FAM169A: variants seen among roughly 807,000 people sequenced by gnomAD.
FAM169A encodes family with sequence similarity 169 member A, also known as soluble lamin-associated protein of 75 kDa.
FAM169A carries 24 observed loss-of-function variants against 75.7 expected under a neutral mutation model. The ratio of observed to expected loss-of-function variants is 0.32; its 90% confidence interval spans 0.23 to 0.45. The LOEUF (loss-of-function observed/expected upper bound fraction) is 0.45, where lower values mean the gene tolerates loss of function less well. FAM169A is among the 20% of genes least tolerant of loss of function. FAM169A has a pLI of 1.00. For synonymous variants in FAM169A, 271 were observed against 271.0 expected (o/e 1.00, Z 0.00); for missense variants, 673 against 784.0 (o/e 0.86, Z 1.69).
intron 6 of FAM169A, among the ~76,000 whole-genome samples, chr5:74,810,023 G>A (rs1338821809): frequency 1.3e-5 from 2 of 152,066 alleles, no homozygotes; most frequent in Non-Finnish European, 2.9e-5. Context: ...ATCATACAAA[G>A]ACATTTTCAT....
At chr5:74,835,767 T>C (rs1020688385) in intron 4 of FAM169A, among the ~76,000 whole-genome samples, 2 of 151,978 alleles carry the variant, frequency 1.3e-5, no homozygotes, top group East Asian at 1.9e-4. Context: ...ATAACAAACA[T>C]AGGAAATAGC....
In FAM169A at chr5:74,866,188, TG is replaced by T. The variant is rs556521918; in HGVS notation, c.-28del. ...ACCTCAGACGCGCCCCGGGAGCCGC[TG>T]GAAGAGCCCGGGAAAGGAGGCGGAG... On this transcript the variant is annotated 5_prime_UTR_variant, in exon 1 of 13. Transcript: ENST00000687041. 853 of 983,998 alleles carry T rather than the reference TG, an allele frequency of 8.7e-4. 5 individuals are homozygous for T. In the African/African-American group the frequency reaches 0.014, roughly 16 times the overall value. The allele number at this position is 983,998 out of a possible 1,614,324, so 61.0% of individuals were successfully genotyped here.
In FAM169A at chr5:74,866,230, G is replaced by C. The variant is rs1265784758; in HGVS notation, c.-69C>G. On this transcript the variant is annotated 5_prime_UTR_variant, in exon 1 of 13. Transcript: ENST00000687041. ...GGAGGCGGAGCCGCGCGAATGAATG[G>C]AGCCGGCGGCTGCTCGCTGGCGACC... 1.0e-6 allele frequency: 1 copy of C among 983,746 alleles called. No homozygotes were observed. Among genetic ancestry groups the C allele is most frequent in the Non-Finnish European group, 1.2e-6 (1 of 829,190 alleles). The allele number at this position is 983,746 out of a possible 1,614,324, so 60.9% of individuals were successfully genotyped here.
chr5:74,865,625 C>T (rs1750280992), intron 1 of FAM169A: 1 of 152,424 alleles, frequency 6.6e-6, no homozygotes. Flanking sequence ...ACCAGCATTC[C>T]AGAGGAGGGA....
At chr5:74,799,035 T>C (rs139601609) in intron 10 of FAM169A, 17,949 of 1,107,376 alleles carry the variant, frequency 0.016, 178 homozygotes, top group Admixed American at 0.025. Context: ...TCAACTGTCG[T>C]GCCTGAAACA....
At chr5:74,837,692 G>A (rs75371753) in intron 4 of FAM169A, among the ~76,000 whole-genome samples, 1,600 of 152,124 alleles carry the variant, frequency 0.011, 30 homozygotes, top group African/African-American at 0.037. Flanking sequence ...TCTTCTGACT[G>A]GTTCAACTGC....
chr5:74,815,145 AG>A (rs1747403536), intron 5 of FAM169A, among the ~76,000 whole-genome samples: 4 of 152,034 alleles, frequency 2.6e-5, no homozygotes, highest in Admixed American at 2.6e-4. Flanking sequence ...AATTTAGAAT[AG>A]GTAATGCATA....
chr5:74,866,193 G>T lies in FAM169A; in HGVS notation c.-32C>A, dbSNP rs1384599662. 2.0e-6 allele frequency: 2 copies of T among 984,280 alleles called. No homozygotes were observed. Among genetic ancestry groups the T allele is most frequent in the African/African-American group, 3.5e-5 (2 of 57,132 alleles). The allele number at this position is 984,280 out of a possible 1,614,324, so 61.0% of individuals were successfully genotyped here. A position where few individuals can be genotyped will look rare whatever the true frequency, so the allele number is the denominator to read the frequency against. On this transcript the variant is annotated 5_prime_UTR_variant, in exon 1 of 13. Transcript: ENST00000687041. ...AGACGCGCCCCGGGAGCCGCTGGAA[G>T]AGCCCGGGAAAGGAGGCGGAGCCGC...
intron 5 of FAM169A, among the ~76,000 whole-genome samples, chr5:74,834,161 G>A (rs1482619604): frequency 6.6e-6 from 1 of 152,006 alleles, no homozygotes; most frequent in African/African-American, 2.4e-5. Flanking sequence ...CAAATATGAG[G>A]TTCAACGTAC....
At chr5:74,799,814 C>A in intron 10 of FAM169A, 1 of 1,068,896 alleles carries the variant, frequency 9.4e-7, no homozygotes, top group African/African-American at 1.5e-5. Context: ...TCTTGAACTA[C>A]GATGACCGTG....
chr5:74,862,594 T>C (rs1004455835), intron 1 of FAM169A, among the ~76,000 whole-genome samples: 1 of 152,214 alleles, frequency 6.6e-6, no homozygotes, highest in Non-Finnish European at 1.5e-5. Flanking sequence ...ATTATCTGCT[T>C]AATGTTTGTC....
At chr5:74,862,148 T>C (rs1364964870) in intron 1 of FAM169A, among the ~76,000 whole-genome samples, 1 of 152,252 alleles carries the variant, frequency 6.6e-6, no homozygotes, top group Admixed American at 6.5e-5. Context: ...TAAAAGCTCG[T>C]ATCTTTTCTC....
chr5:74,782,155 G>T, intron 12 of FAM169A, 147 bp from the exon 13 acceptor site: 1 of 631,276 alleles, frequency 1.6e-6, no homozygotes, highest in South Asian at 2.2e-5. Context: ...TTTCTGTTCT[G>T]CTATATGTGT....
chr5:74,783,656 G>A (rs1306332802), intron 11 of FAM169A, among the ~76,000 whole-genome samples: 4 of 152,150 alleles, frequency 2.6e-5, no homozygotes, highest in African/African-American at 9.7e-5. Flanking sequence ...GGAGGAGAGA[G>A]CCCTAGTCTC....
chr5:74,817,983 A>C (rs1204866858), intron 5 of FAM169A, among the ~76,000 whole-genome samples: 1 of 152,230 alleles, frequency 6.6e-6, no homozygotes, highest in East Asian at 1.9e-4. Context: ...GTACCTTCCT[A>C]GAATCATATA....
chr5:74,781,534 C>T lies in FAM169A; in HGVS notation c.1939G>A (p.Val647Ile), dbSNP rs758708052. Residue 647 changes from valine to isoleucine, a missense_variant, in exon 13 of 13, where the codon GTA becomes ATA. Val to Ile is a conservative substitution (Grantham distance 29). Coordinates refer to ENST00000687041, the MANE Select transcript of FAM169A (RefSeq NM_001376049.1). ...SEEIEVEVPV[V>I]DRRNLRRKAK... The stretch of plus-strand genomic sequence containing the variant: ...TTTCTTCTTAAATTCCGCCTGTCTA[C>T]CACAGGCACTTCCACTTCTATTTCC... 6 of 1,614,034 alleles carry T rather than the reference C, an allele frequency of 3.7e-6. No homozygotes were observed. The African/African-American group carries it at 8.0e-5, about 22-fold the overall frequency.
At chr5:74,828,701 G>C (rs1047548626) in intron 5 of FAM169A, among the ~76,000 whole-genome samples, 1 of 152,170 alleles carries the variant, frequency 6.6e-6, no homozygotes, top group African/African-American at 2.4e-5. Flanking sequence ...TGGCATCTTA[G>C]GATTCAGTTA....
chr5:74,861,843 C>T (rs762015513), intron 1 of FAM169A, among the ~76,000 whole-genome samples: 4 of 152,168 alleles, frequency 2.6e-5, no homozygotes, highest in Non-Finnish European at 4.4e-5. Flanking sequence ...TCATTATGCA[C>T]GTCAGCCAAT....
Position 74,805,244 on chromosome 5 carries a change from T to C in FAM169A, c.711A>G (p.Glu237=). The part of the protein sequence containing the change: ...QYFEKYPGDH[E]LLWEVEGVGH... ...CAACACCTTCAACTTCCCAAAGGAG[T>C]TCATGGTCTCCTGGATACTTCTCAA... The change falls in exon 7 of 13, where the codon GAA becomes GAG. Residue 237 remains glutamate, a synonymous_variant. Transcript: ENST00000687041. The C allele has an allele frequency of 6.2e-7, 1 of 1,613,552 alleles. No homozygotes were observed. The highest frequency in any genetic ancestry group is 8.5e-7 in the Non-Finnish European group (1 of 1,179,590).
Sources: allele counts gnomAD v4.1 joint callset (sites outside exome capture counted in the v4.1 genomes callset), GRCh38; gene constraint gnomAD v4.1.1; transcripts MANE v1.5; gene names NCBI Gene and HGNC (gene_info 2026-07-23, HGNC 2026-07-21).